FBLN1: variants seen among roughly 807,000 people sequenced by gnomAD.
FBLN1 encodes the protein fibulin-1.
A neutral mutation model predicts 89.7 loss-of-function variants in FBLN1; 34 were observed. The ratio of observed to expected loss-of-function variants is 0.38; its 90% confidence interval spans 0.29 to 0.50. The LOEUF (loss-of-function observed/expected upper bound fraction) is 0.50. Ranked by LOEUF, FBLN1 falls within the 20% of genes least tolerant of loss-of-function variation. FBLN1 has a pLI of 0.92. For synonymous variants in FBLN1, 393 were observed against 391.3 expected (o/e 1.00, Z -0.05); for missense variants, 777 against 988.1 (o/e 0.79, Z 2.86).
At chr22:45,548,532 G>A in intron 12 of FBLN1, 81 bp from the exon 13 acceptor site, 2 of 1,589,674 alleles carry the variant, frequency 1.3e-6, no homozygotes, top group Non-Finnish European at 8.6e-7. Flanking sequence ...CCCCAGTGCA[G>A]CCCCCAGGGC....
At chr22:45,542,096 T>A in intron 9 of FBLN1, 59 bp from the exon 10 acceptor site, 2 of 1,613,034 alleles carry the variant, frequency 1.2e-6, no homozygotes, top group South Asian at 2.2e-5. Flanking sequence ...TCTGATCATC[T>A]TGGGGGGAAA....
chr22:45,533,167 A>T lies in FBLN1; in HGVS notation c.646+3A>T, dbSNP rs374611073. The T allele has an allele frequency of 6.2e-7, 1 of 1,612,990 alleles. No homozygotes were observed. Among genetic ancestry groups the T allele is most frequent in the African/African-American group, 1.3e-5 (1 of 74,858 alleles). The stretch of plus-strand genomic sequence containing the variant: ...GTCTGATGGTGTCTCCTGTGAAGGT[A>T]ATGTCCCTATCCCAGGTGCCAGCAG... On this transcript the variant is annotated splice_donor_region_variant and intron_variant, in intron 6 of 16. Coordinates refer to ENST00000327858, the MANE Select transcript of FBLN1 (RefSeq NM_006486.3).
At chr22:45,595,722 C>T in intron 16 of FBLN1, among the ~76,000 whole-genome samples, 1 of 152,300 alleles carries the variant, frequency 6.6e-6, no homozygotes, top group Non-Finnish European at 1.5e-5. Context: ...TCTAAGAATT[C>T]AGCCACGCTT....
At chr22:45,566,145 CA>C (rs2088900030) in intron 14 of FBLN1, among the ~76,000 whole-genome samples, 1 of 152,178 alleles carries the variant, frequency 6.6e-6, no homozygotes, top group Non-Finnish European at 1.5e-5. Context: ...ATCCATTTGT[CA>C]GGGGCGGGAT....
At position 45,600,466 on chromosome 22, in the gene FBLN1, C is replaced by A. The variant is rs377063102; in HGVS notation, c.*20C>A. 1 of 1,614,106 alleles carries A rather than the reference C, an allele frequency of 6.2e-7. No homozygotes were observed. ...TTCTGAGGGCTGGTCTGCCGCACAGCCGCAGGTGCACCTCCAGGCCAAATC... is the reference window on the plus strand; with the variant it reads ...TTCTGAGGGCTGGTCTGCCGCACAGACGCAGGTGCACCTCCAGGCCAAATC... On this transcript the variant is annotated 3_prime_UTR_variant, in exon 17 of 17. Coordinates refer to ENST00000327858, the MANE Select transcript of FBLN1 (RefSeq NM_006486.3).
chr22:45,562,803 G>T lies in FBLN1; in HGVS notation c.1698-11708G>T. On this transcript the variant is annotated intron_variant, in intron 14 of 16. Coordinates refer to ENST00000327858, the MANE Select transcript of FBLN1 (RefSeq NM_006486.3). The surrounding 1 kb of genome is among the most constrained non-coding windows in gnomAD (Gnocchi z 7.8). ...CGTGTTGGCTGAATCGGCCAGAGGGGCGGCGGGAGGCCCCGCCTGCCAGCC... is the reference window on the plus strand; with the variant it reads ...CGTGTTGGCTGAATCGGCCAGAGGGTCGGCGGGAGGCCCCGCCTGCCAGCC... 2.8e-6 allele frequency: 3 copies of T among 1,064,384 alleles called. No individual in the cohort carries two copies. The highest frequency in any genetic ancestry group is 4.3e-6 in the Non-Finnish European group (3 of 692,960). 65.9% of individuals were successfully genotyped at this position (1,064,384 alleles called of 1,614,324 possible).
intron 16 of FBLN1, among the ~76,000 whole-genome samples, chr22:45,591,749 G>A (rs976564526): frequency 1.3e-5 from 2 of 152,040 alleles, no homozygotes; most frequent in African/African-American, 4.8e-5. Flanking sequence ...GTGTGTTTAT[G>A]ACTCAGCTAA....
chr22:45,564,435 C>T (rs1195216016), intron 14 of FBLN1, among the ~76,000 whole-genome samples: 1 of 152,236 alleles, frequency 6.6e-6, no homozygotes, highest in Non-Finnish European at 1.5e-5. Flanking sequence ...CCAGCCTGGC[C>T]TCAACTTGTT....
At chr22:45,593,805 CCTTCACTCTCTTTT>C (rs932830281) in intron 16 of FBLN1, among the ~76,000 whole-genome samples, 1 of 152,214 alleles carries the variant, frequency 6.6e-6, no homozygotes, top group African/African-American at 2.4e-5. Flanking sequence ...TTCTCTCCTT[CCTTCACTCTCTTTT>C]CTTCTTCTTC....
At chr22:45,586,964 T>C (rs1011338131) in intron 16 of FBLN1, among the ~76,000 whole-genome samples, 3 of 152,056 alleles carry the variant, frequency 2.0e-5, no homozygotes, top group Non-Finnish European at 4.4e-5. Flanking sequence ...AGGTCCCTAT[T>C]CTGGGACCTT....
chr22:45,504,445 G>A (rs2146932021), intron 1 of FBLN1, among the ~76,000 whole-genome samples: 1 of 152,264 alleles, frequency 6.6e-6, no homozygotes, highest in East Asian at 1.9e-4. Flanking sequence ...GGAGCTTGAT[G>A]TAAGGGGAGC....
intron 16 of FBLN1, among the ~76,000 whole-genome samples, chr22:45,598,936 A>G (rs973824538): frequency 3.9e-5 from 6 of 152,210 alleles, no homozygotes; most frequent in African/African-American, 1.4e-4. Flanking sequence ...GGACTGTCCC[A>G]TACTCTCACT....
At chr22:45,520,349 G>A (rs2088233422) in intron 2 of FBLN1, among the ~76,000 whole-genome samples, 1 of 152,188 alleles carries the variant, frequency 6.6e-6, no homozygotes, top group African/African-American at 2.4e-5. Flanking sequence ...TCAGCAGGGT[G>A]GGCTCCTTCT....
At position 45,600,753 on chromosome 22, in the gene FBLN1, T is replaced by C. The variant is rs1209299266; in HGVS notation, c.*307T>C. 3 of 427,640 alleles carry C rather than the reference T, an allele frequency of 7.0e-6. No individual in the cohort carries two copies. The highest frequency in any genetic ancestry group is 1.3e-5 in the Non-Finnish European group (3 of 229,368). The allele number at this position is 427,640 out of a possible 1,614,324, so 26.5% of individuals were successfully genotyped here. The stretch of plus-strand genomic sequence containing the variant: ...GCTAAGGGCCAAGGAAAGAAAGACA[T>C]TTTTTAGGGGGCAGCCAGTCCAAAT... On this transcript the variant is annotated 3_prime_UTR_variant, in exon 17 of 17. Transcript: ENST00000327858.
At chr22:45,595,930 C>A (rs539147533) in intron 16 of FBLN1, among the ~76,000 whole-genome samples, 1 of 152,204 alleles carries the variant, frequency 6.6e-6, no homozygotes, top group Non-Finnish European at 1.5e-5. Context: ...AGTGCAATGG[C>A]GCGATCTCAG....
intron 14 of FBLN1, among the ~76,000 whole-genome samples, chr22:45,571,810 T>C (rs1372821225): frequency 1.3e-5 from 2 of 152,180 alleles, no homozygotes; most frequent in African/African-American, 2.4e-5. Context: ...GTATCCAGAC[T>C]GGTCTTGATA....
intron 1 of FBLN1, among the ~76,000 whole-genome samples, chr22:45,504,671 C>T (rs1162375419): frequency 6.6e-6 from 1 of 152,148 alleles, no homozygotes; most frequent in Admixed American, 6.5e-5. Flanking sequence ...TGCGTTCCCT[C>T]TCACTGTTCT....
intron 16 of FBLN1, among the ~76,000 whole-genome samples, chr22:45,582,588 C>T (rs1260252808): frequency 6.6e-6 from 1 of 152,224 alleles, no homozygotes; most frequent in African/African-American, 2.4e-5. Context: ...TCCCCAGTGA[C>T]AGCCACAGCC....
intron 14 of FBLN1, chr22:45,564,980 C>T (rs748750596): frequency 1.2e-6 from 2 of 1,613,968 alleles, no homozygotes; most frequent in South Asian, 1.1e-5. Context: ...AGGATACCCA[C>T]CTTGATGCCT....
Sources: allele counts gnomAD v4.1 joint callset (sites outside exome capture counted in the v4.1 genomes callset), GRCh38; gene constraint gnomAD v4.1.1; non-coding constraint Gnocchi (gnomAD v3.1); transcripts MANE v1.5; gene names NCBI Gene and HGNC (gene_info 2026-07-23, HGNC 2026-07-21).